CNTN4: variants seen among roughly 807,000 people sequenced by gnomAD.
CNTN4 encodes contactin 4.
CNTN4 carries 77 observed loss-of-function variants against 122.5 expected under a neutral mutation model. The observed-to-expected ratio is 0.63, with a 90% CI of 0.52 to 0.76. The LOEUF (loss-of-function observed/expected upper bound fraction) is 0.76, where lower values mean the gene tolerates loss of function less well. Ranked by LOEUF, CNTN4 falls within the 30% of genes least tolerant of loss-of-function variation. The pLI, the probability that CNTN4 is intolerant of heterozygous loss-of-function variation, is 0.00. For synonymous variants in CNTN4, 512 were observed against 447.0 expected (o/e 1.15, Z -1.83); for missense variants, 1,256 against 1,259.1 (o/e 1.00, Z 0.04).
intron 4 of CNTN4, among the ~76,000 whole-genome samples, chr3:2,585,820 C>G (rs1226091788): frequency 1.3e-5 from 2 of 149,936 alleles, no homozygotes; most frequent in Non-Finnish European, 1.5e-5. Context: ...CACACGTACC[C>G]TAAAACTTAA....
chr3:2,549,399 T>A (rs1264638524), intron 3 of CNTN4, among the ~76,000 whole-genome samples: 2 of 152,218 alleles, frequency 1.3e-5, no homozygotes, highest in African/African-American at 4.8e-5. Context: ...ATTGAGAGTT[T>A]TTAGCATGAA....
chr3:2,953,080 A>G (rs1052060448), intron 13 of CNTN4, among the ~76,000 whole-genome samples: 4 of 152,200 alleles, frequency 2.6e-5, no homozygotes, highest in Non-Finnish European at 4.4e-5. Flanking sequence ...TCTGTAGGTT[A>G]TTTGACTTCA....
intron 2 of CNTN4, among the ~76,000 whole-genome samples, chr3:2,120,642 A>AAC (rs2033709991): frequency 6.6e-6 from 1 of 151,598 alleles, no homozygotes. Context: ...ACCTTAGGTG[A>AAC]TCTGCCTGTG....
At chr3:2,776,846 C>G (rs747776827) in intron 6 of CNTN4, among the ~76,000 whole-genome samples, 4 of 152,144 alleles carry the variant, frequency 2.6e-5, no homozygotes, top group Non-Finnish European at 2.9e-5. Flanking sequence ...AGACATACCC[C>G]CTTCATTCAA....
chr3:2,516,373 A>G (rs1161308782), intron 3 of CNTN4, among the ~76,000 whole-genome samples: 6 of 152,036 alleles, frequency 3.9e-5, no homozygotes, highest in Admixed American at 3.9e-4. Context: ...TGCAAACTAG[A>G]TTATACTGAC....
Position 2,251,476 on chromosome 3 carries a change from T to C in CNTN4, c.-144-87702T>C, listed in dbSNP as rs2040376880. Among the ~76,000 whole-genome samples the C allele has an allele frequency of 2.0e-5, 3 of 151,894 alleles. No homozygotes were observed. In the South Asian group the frequency reaches 6.2e-4, roughly 31 times the overall value. ...GGCTTTCAGGGATGCATCACTAATG[T>C]CCTTTAGGAAATATGTCTTTGCATA... is the stretch of plus-strand genomic sequence containing the variant. On this transcript the variant is annotated intron_variant, in intron 2 of 24. Transcript: ENST00000418658.
chr3:3,011,981 C>T (rs1175308777), intron 14 of CNTN4, among the ~76,000 whole-genome samples: 3 of 152,062 alleles, frequency 2.0e-5, no homozygotes, highest in African/African-American at 7.2e-5. Context: ...TATATGCAAC[C>T]ACAGGAATAT....
chr3:2,121,647 G>GT (rs2033791147), intron 2 of CNTN4, among the ~76,000 whole-genome samples: 1 of 152,148 alleles, frequency 6.6e-6, no homozygotes, highest in Admixed American at 6.5e-5. Context: ...ATTTGTCAGA[G>GT]TTTCCATTTC....
At chr3:2,591,146 G>T (rs369052080) in intron 4 of CNTN4, among the ~76,000 whole-genome samples, 1 of 152,112 alleles carries the variant, frequency 6.6e-6, no homozygotes, top group East Asian at 1.9e-4. Flanking sequence ...TCACCATCTA[G>T]ACTGGAGCTC....
chr3:2,785,591 C>T (rs116678104), intron 6 of CNTN4, among the ~76,000 whole-genome samples: 2,169 of 152,248 alleles, frequency 0.014, 58 homozygotes, highest in African/African-American at 0.049. Context: ...AAATGTTTAA[C>T]ACAAACAAGT....
intron 2 of CNTN4, among the ~76,000 whole-genome samples, chr3:2,300,535 A>G (rs1473005826): frequency 7.7e-6 from 1 of 129,084 alleles, no homozygotes; most frequent in African/African-American, 2.8e-5. Flanking sequence ...ATCAAAAGGG[A>G]TGAGTTTATT....
At chr3:2,187,416 T>C (rs1170432488) in intron 2 of CNTN4, among the ~76,000 whole-genome samples, 1 of 152,158 alleles carries the variant, frequency 6.6e-6, no homozygotes, top group African/African-American at 2.4e-5. Context: ...TGCGGGCTCT[T>C]TTTTGGGAAT....
At chr3:2,158,170 C>T (rs2035801775) in intron 2 of CNTN4, among the ~76,000 whole-genome samples, 1 of 152,042 alleles carries the variant, frequency 6.6e-6, no homozygotes, top group African/African-American at 2.4e-5. Context: ...GGCAAAGTGA[C>T]ACATCAAAGT....
At chr3:2,864,666 G>C (rs1396865227) in intron 7 of CNTN4, among the ~76,000 whole-genome samples, 1 of 147,024 alleles carries the variant, frequency 6.8e-6, no homozygotes, top group East Asian at 2.0e-4. Context: ...TTGAACCCAG[G>C]AGGCAGAGGT....
Position 2,938,795 on chromosome 3 carries a change from G to A in CNTN4, c.1358+13016G>A, listed in dbSNP as rs1476490124. ...ACCATGTAAACCCTTTGGAGAAGAG[G>A]TAAATTAAGTCCTTGAACTACCTCA... On this transcript the variant is annotated intron_variant, in intron 13 of 24. Coordinates refer to ENST00000418658, the MANE Select transcript of CNTN4 (RefSeq NM_175607.3). Among the ~76,000 whole-genome samples, 3 of 152,174 alleles carry A rather than the reference G, an allele frequency of 2.0e-5. No homozygotes were observed. The East Asian group carries it at 5.8e-4, about 29-fold the overall frequency.
chr3:2,811,609 C>G (rs1274767283), intron 6 of CNTN4, among the ~76,000 whole-genome samples: 1 of 150,598 alleles, frequency 6.6e-6, no homozygotes, highest in Admixed American at 6.6e-5. Context: ...TACATATGTG[C>G]CCGACCTCCT....
intron 3 of CNTN4, among the ~76,000 whole-genome samples, chr3:2,501,516 T>C (rs58016206): frequency 0.15 from 22,383 of 152,192 alleles, 1,820 homozygotes; most frequent in African/African-American, 0.21. Context: ...TTCTTACCTT[T>C]ATCAACTTCT....
At chr3:2,558,017 C>T (rs773916955) in intron 3 of CNTN4, among the ~76,000 whole-genome samples, 10 of 152,090 alleles carry the variant, frequency 6.6e-5, no homozygotes, top group Non-Finnish European at 1.2e-4. Flanking sequence ...ACTGTATGTA[C>T]ATATCTTTCA....
intron 3 of CNTN4, among the ~76,000 whole-genome samples, chr3:2,464,981 A>G (rs1239733152): frequency 1.3e-5 from 2 of 152,234 alleles, no homozygotes; most frequent in Non-Finnish European, 2.9e-5. Context: ...CTAGAAATGT[A>G]TAAACTATAT....
Sources: gnomAD v4.1 joint callset for allele counts (sites outside exome capture counted in the v4.1 genomes callset) on GRCh38, gnomAD v4.1.1 for gene constraint, MANE v1.5 for transcripts, NCBI Gene and HGNC (gene_info 2026-07-23, HGNC 2026-07-21) for gene names.